Variants in PALM2AKAP2 observed in about 807,000 individuals in gnomAD.
The protein encoded by PALM2AKAP2 is PALM2-AKAP2 fusion protein.
PALM2AKAP2 carries 37 observed loss-of-function variants against 71.5 expected under a neutral mutation model. The observed-to-expected ratio is 0.52, with a 90% CI of 0.40 to 0.68. The LOEUF is 0.68. Ranked by LOEUF, PALM2AKAP2 falls within the 30% of genes least tolerant of loss-of-function variation. PALM2AKAP2 has a pLI of 0.00. For missense variants in PALM2AKAP2, 1,224 were observed against 1,191.8 expected, an observed-to-expected ratio of 1.03 and a Z score of -0.40; for synonymous variants, 468 against 478.8, an observed-to-expected ratio of 0.98 and a Z score of 0.29.
intron 6 of PALM2AKAP2, among the ~76,000 whole-genome samples, chr9:109,952,721 A>G (rs1048544993): frequency 6.6e-6 from 1 of 152,174 alleles, no homozygotes; most frequent in African/African-American, 2.4e-5. Context: ...CTTTCTTTAC[A>G]TTATTCTCTT....
At chr9:109,930,116 A>G (rs1188321579) in intron 5 of PALM2AKAP2, among the ~76,000 whole-genome samples, 2 of 152,026 alleles carry the variant, frequency 1.3e-5, no homozygotes, top group Admixed American at 1.3e-4. Context: ...AAGCTCCAAC[A>G]CATATAAGGC....
At chr9:109,861,170 G>C (rs551318457) in intron 1 of PALM2AKAP2, among the ~76,000 whole-genome samples, 1 of 152,072 alleles carries the variant, frequency 6.6e-6, no homozygotes, top group African/African-American at 2.4e-5. Flanking sequence ...TACCTTCCCT[G>C]CTTAGCCTCT....
chr9:110,118,149 C>G (rs978322706), intron 1 of PALM2AKAP2, among the ~76,000 whole-genome samples: 17 of 150,150 alleles, frequency 1.1e-4, no homozygotes, highest in Admixed American at 3.3e-4. Context: ...GGGAACTGAT[C>G]TTTTTATAAA....
chr9:109,942,208 C>T (rs905205568), intron 6 of PALM2AKAP2, among the ~76,000 whole-genome samples: 30 of 152,172 alleles, frequency 2.0e-4, no homozygotes, highest in South Asian at 2.1e-4. Context: ...ATAGCCATGA[C>T]CCACCTATGA....
At chr9:109,964,249 C>T (rs575079710) in intron 6 of PALM2AKAP2, among the ~76,000 whole-genome samples, 1 of 152,258 alleles carries the variant, frequency 6.6e-6, no homozygotes, top group East Asian at 1.9e-4. Context: ...AGAGCTGTGT[C>T]TCTCATGGAC....
chr9:109,672,199 T>G (rs1360098373), intron 1 of PALM2AKAP2, among the ~76,000 whole-genome samples: 6 of 152,200 alleles, frequency 3.9e-5, no homozygotes, highest in Admixed American at 3.9e-4. Context: ...AGGGGAATGC[T>G]TCCAGCTTTT....
At chr9:109,702,289 C>T (rs936323749) in intron 1 of PALM2AKAP2, among the ~76,000 whole-genome samples, 3 of 152,100 alleles carry the variant, frequency 2.0e-5, no homozygotes, top group Admixed American at 2.0e-4. Context: ...GACATATGCA[C>T]ACGTATGTTT....
At position 109,988,661 on chromosome 9, in the gene PALM2AKAP2, G is replaced by A. The variant is rs1336229687; in HGVS notation, c.497-27293G>A. ...GAAGGAGGAAGGAAGGAAAAGAAGG[G>A]AAGGAAGGGAAGGGAAGGGAAAGGA... On this transcript the variant is annotated intron_variant, in intron 6 of 9. Transcript: ENST00000302798. 6.3e-5 allele frequency among the ~76,000 whole-genome samples: 8 copies of A among 127,900 alleles called. No individual in the cohort carries two copies. In the Admixed American group the frequency reaches 6.6e-4, roughly 11 times the overall value. 83.9% of individuals were successfully genotyped at this position (127,900 alleles called of 152,430 possible). A position where few individuals can be genotyped will look rare whatever the true frequency, so the allele number is the denominator to read the frequency against.
At chr9:110,032,777 A>T (rs959537819) in intron 7 of PALM2AKAP2, among the ~76,000 whole-genome samples, 2 of 151,386 alleles carry the variant, frequency 1.3e-5, no homozygotes, top group African/African-American at 2.4e-5. Flanking sequence ...ATAAAAAAAT[A>T]AAAAAACAAA....
intron 1 of PALM2AKAP2, among the ~76,000 whole-genome samples, chr9:109,814,317 C>A (rs138493045): frequency 4.0e-4 from 61 of 152,282 alleles, no homozygotes; most frequent in Middle Eastern, 3.4e-3. Context: ...ATACTTAATG[C>A]ACAAGTGTCA....
At chr9:109,699,388 A>G (rs1200662906) in intron 1 of PALM2AKAP2, among the ~76,000 whole-genome samples, 1 of 152,218 alleles carries the variant, frequency 6.6e-6, no homozygotes, top group Admixed American at 6.5e-5. Flanking sequence ...CACTTTTCAG[A>G]ATTTTATATT....
At chr9:109,707,279 C>A (rs1027932069) in intron 1 of PALM2AKAP2, among the ~76,000 whole-genome samples, 1 of 152,076 alleles carries the variant, frequency 6.6e-6, no homozygotes, top group African/African-American at 2.4e-5. Context: ...CCCCCTACCA[C>A]CACCATTTAT....
chr9:109,924,156 G>A (rs1269152602), intron 4 of PALM2AKAP2, among the ~76,000 whole-genome samples: 1 of 152,160 alleles, frequency 6.6e-6, no homozygotes, highest in African/African-American at 2.4e-5. Flanking sequence ...TTGGACTCTA[G>A]AATTCTAAAA....
chr9:110,071,178 G>A (rs80251911), intron 1 of PALM2AKAP2, among the ~76,000 whole-genome samples: 4,475 of 70,870 alleles, frequency 0.063, 85 homozygotes, highest in African/African-American at 0.13. Context: ...AAAAAAAAAA[G>A]AATTGGTAGA....
At chr9:109,863,795 A>G (rs546047133) in intron 1 of PALM2AKAP2, among the ~76,000 whole-genome samples, 2 of 149,368 alleles carry the variant, frequency 1.3e-5, no homozygotes, top group Non-Finnish European at 3.0e-5. Flanking sequence ...GACCATCACT[A>G]TGGGCTGGGT....
chr9:109,937,426 A>G (rs1831249963), intron 6 of PALM2AKAP2, among the ~76,000 whole-genome samples: 1 of 152,168 alleles, frequency 6.6e-6, no homozygotes, highest in African/African-American at 2.4e-5. Context: ...CGGAGGCCCA[A>G]AATCAAAGTA....
chr9:109,706,977 G>A (rs149273151), intron 1 of PALM2AKAP2, among the ~76,000 whole-genome samples: 196 of 152,272 alleles, frequency 1.3e-3, no homozygotes, highest in African/African-American at 4.5e-3. Context: ...TATGGTGGTG[G>A]TTGCACAATT....
chr9:109,672,014 G>A (rs533107765), intron 1 of PALM2AKAP2, among the ~76,000 whole-genome samples: 1 of 152,246 alleles, frequency 6.6e-6, no homozygotes, highest in African/African-American at 2.4e-5. Flanking sequence ...CTGAGACTAT[G>A]TGGTTTTCTA....
rs553149453 is a variant in PALM2AKAP2 at position 109,931,832 on chromosome 9, C to T, written c.395-95C>T. On this transcript the variant is annotated intron_variant, in intron 5 of 9. Coordinates refer to the PALM2AKAP2 transcript ENST00000302798. ...CCTGTTCAGTGGCCGCCTCAGCGGTCCATTATGTAGGGCAGACAAGCTGCT... is the reference window on the plus strand; with the variant it reads ...CCTGTTCAGTGGCCGCCTCAGCGGTTCATTATGTAGGGCAGACAAGCTGCT... 1.1e-5 allele frequency: 15 copies of T among 1,388,714 alleles called. No individual in the cohort carries two copies. The East Asian group carries it at 3.0e-4, about 28-fold the overall frequency. The allele number at this position is 1,388,714 out of a possible 1,614,324, so 86.0% of individuals were successfully genotyped here. A position where few individuals can be genotyped will look rare whatever the true frequency, so the allele number is the denominator to read the frequency against.
Sources: allele counts gnomAD v4.1 joint callset (sites outside exome capture counted in the v4.1 genomes callset), GRCh38; gene constraint gnomAD v4.1.1; transcripts MANE v1.5; gene names NCBI Gene and HGNC (gene_info 2026-07-23, HGNC 2026-07-21).